CNTN6: variants seen among roughly 807,000 people sequenced by gnomAD.
CNTN6 encodes the protein contactin-6.
A neutral mutation model predicts 122.8 loss-of-function variants in CNTN6; 137 were observed. That is an observed-to-expected ratio of 1.12 (90% CI 0.97 to 1.29). The LOEUF (loss-of-function observed/expected upper bound fraction) is 1.29, where lower values mean the gene tolerates loss of function less well. CNTN6 is among the 50% of genes most tolerant of loss of function. The pLI, the probability that CNTN6 is intolerant of heterozygous loss-of-function variation, is 0.00. For synonymous variants in CNTN6, 570 were observed against 426.0 expected (o/e 1.34, Z -4.16); for missense variants, 1,634 against 1,223.4 (o/e 1.34, Z -5.01).
chr3:1,395,694 T>C (rs536461181), intron 20 of CNTN6, among the ~76,000 whole-genome samples: 11 of 152,324 alleles, frequency 7.2e-5, no homozygotes, highest in Non-Finnish European at 1.0e-4. Context: ...TATAAAGTAA[T>C]GTGTCCACAG....
Position 1,382,996 on chromosome 3 carries a change from C to A in CNTN6, c.2221C>A (p.Arg741=). Reference sequence around the variant, plus strand: ...GGGATTTGGATATATCATCATGTTCCGGCCAGTGGGCTCGACAACCTGGTC... The same window carrying A: ...GGGATTTGGATATATCATCATGTTCAGGCCAGTGGGCTCGACAACCTGGTC... ...GEGFGYIIMF[R]PVGSTTWSKE... The change falls in exon 18 of 23, where the codon CGG becomes AGG. Residue 741 remains arginine, a synonymous_variant. Transcript: ENST00000446702. 1 of 1,614,048 alleles carries A rather than the reference C, an allele frequency of 6.2e-7. No homozygotes were observed. Among genetic ancestry groups the A allele is most frequent in the African/African-American group, 1.3e-5 (1 of 75,040 alleles).
At chr3:1,317,952 G>A (rs1700330147) in intron 7 of CNTN6, among the ~76,000 whole-genome samples, 1 of 149,120 alleles carries the variant, frequency 6.7e-6, no homozygotes, top group Admixed American at 6.7e-5. Flanking sequence ...ATTAATTCTT[G>A]TAACCATCTT....
intron 11 of CNTN6, among the ~76,000 whole-genome samples, chr3:1,346,398 T>G (rs1200448671): frequency 2.0e-5 from 3 of 152,152 alleles, no homozygotes; most frequent in African/African-American, 7.2e-5. Context: ...ATTAATGCCC[T>G]CCCTCTGGGT....
chr3:1,174,644 A>G (rs900932802), intron 2 of CNTN6, among the ~76,000 whole-genome samples: 2 of 150,840 alleles, frequency 1.3e-5, no homozygotes, highest in African/African-American at 2.5e-5. Flanking sequence ...TTTGGAGTCC[A>G]CACTAATCTC....
At chr3:1,367,835 T>TG (rs1349925191) in intron 12 of CNTN6, among the ~76,000 whole-genome samples, 14 of 152,198 alleles carry the variant, frequency 9.2e-5, no homozygotes, top group Non-Finnish European at 2.1e-4. Context: ...CGGCAGTGGA[T>TG]GGCAGCAAAG....
chr3:1,301,071 C>G (rs1489027528), intron 7 of CNTN6, among the ~76,000 whole-genome samples: 1 of 126,062 alleles, frequency 7.9e-6, no homozygotes, highest in Non-Finnish European at 1.6e-5. Context: ...GAGTCTAACT[C>G]TGTCGCCCAG....
At chr3:1,184,474 T>C (rs2093602460) in intron 2 of CNTN6, among the ~76,000 whole-genome samples, 1 of 152,208 alleles carries the variant, frequency 6.6e-6, no homozygotes, top group Non-Finnish European at 1.5e-5. Flanking sequence ...GAGAAGACTG[T>C]TCTTTGAGAT....
chr3:1,241,478 G>A (rs2094483398), intron 4 of CNTN6, among the ~76,000 whole-genome samples: 2 of 152,074 alleles, frequency 1.3e-5, no homozygotes, highest in South Asian at 2.1e-4. Context: ...AGAATGATTG[G>A]TGATGGCCTG....
intron 2 of CNTN6, among the ~76,000 whole-genome samples, chr3:1,189,723 T>G (rs2093674458): frequency 6.6e-6 from 1 of 152,090 alleles, no homozygotes; most frequent in Non-Finnish European, 1.5e-5. Flanking sequence ...TGAGGCCACA[T>G]CTGAACCCAA....
chr3:1,266,324 C>T (rs1041945830), intron 4 of CNTN6, among the ~76,000 whole-genome samples: 1 of 152,088 alleles, frequency 6.6e-6, no homozygotes, highest in Non-Finnish European at 1.5e-5. Flanking sequence ...AAAGACCTTG[C>T]TTGGACTAAG....
intron 2 of CNTN6, among the ~76,000 whole-genome samples, chr3:1,208,610 A>C (rs1416212478): frequency 6.6e-6 from 1 of 152,078 alleles, no homozygotes; most frequent in African/African-American, 2.4e-5. Context: ...TCTGGAGTAT[A>C]AATCATAGTG....
At chr3:1,364,415 T>C (rs1707916473) in intron 12 of CNTN6, among the ~76,000 whole-genome samples, 1 of 151,914 alleles carries the variant, frequency 6.6e-6, no homozygotes, top group African/African-American at 2.4e-5. Flanking sequence ...CACTTTTGTC[T>C]ATCCTTTGAG....
At chr3:1,184,114 G>T (rs756448026) in intron 2 of CNTN6, among the ~76,000 whole-genome samples, 2 of 152,110 alleles carry the variant, frequency 1.3e-5, no homozygotes, top group Non-Finnish European at 1.5e-5. Context: ...TTATGTACCT[G>T]GTCATGGAAG....
chr3:1,241,519 A>G (rs1167180838), intron 4 of CNTN6, among the ~76,000 whole-genome samples: 1 of 152,110 alleles, frequency 6.6e-6, no homozygotes, highest in African/African-American at 2.4e-5. Flanking sequence ...GAGAAGCTAA[A>G]CGGAAGATAC....
chr3:1,304,899 G>A (rs1324021927), intron 7 of CNTN6, among the ~76,000 whole-genome samples: 8 of 147,868 alleles, frequency 5.4e-5, no homozygotes, highest in Non-Finnish European at 7.4e-5. Context: ...GCTGAGGCAG[G>A]AGAATTGCTT....
intron 17 of CNTN6, among the ~76,000 whole-genome samples, chr3:1,381,620 GTC>G (rs1484985672): frequency 2.6e-5 from 4 of 152,118 alleles, no homozygotes; most frequent in Non-Finnish European, 5.9e-5. Context: ...GGCTTGAATA[GTC>G]TCTCATGCTT....
chr3:1,122,534 C>A (rs2091997963), intron 1 of CNTN6, among the ~76,000 whole-genome samples: 1 of 150,058 alleles, frequency 6.7e-6, no homozygotes, highest in Non-Finnish European at 1.5e-5. Context: ...CCACCACTAT[C>A]CTCTTGGAAA....
intron 19 of CNTN6, among the ~76,000 whole-genome samples, chr3:1,385,333 A>C (rs1166178651): frequency 6.6e-6 from 1 of 152,094 alleles, no homozygotes; most frequent in Admixed American, 6.5e-5. Flanking sequence ...AAAGCTGGTA[A>C]CCTTTAGATA....
intron 2 of CNTN6, among the ~76,000 whole-genome samples, chr3:1,177,887 C>T (rs1475507283): frequency 7.0e-6 from 1 of 143,874 alleles, no homozygotes; most frequent in Non-Finnish European, 1.5e-5. Context: ...TAAACTCCCC[C>T]TGCCCTTTCC....
Sources: allele counts gnomAD v4.1 joint callset (sites outside exome capture counted in the v4.1 genomes callset), GRCh38; gene constraint gnomAD v4.1.1; transcripts MANE v1.5; gene names NCBI Gene and HGNC (gene_info 2026-07-23, HGNC 2026-07-21).